The following RABGAP1L variants were observed in gnomAD, a reference collection of about 807,000 sequenced individuals.
The protein encoded by RABGAP1L is rab GTPase-activating protein 1-like.
In RABGAP1L, 63 loss-of-function variants were observed where a neutral mutation model predicts 137.7. That is an observed-to-expected ratio of 0.46 (90% CI 0.37 to 0.56). RABGAP1L has a LOEUF of 0.56. Among genes scored for constraint, RABGAP1L ranks in the 20% least tolerant of loss-of-function variants. The pLI is 0.00. For synonymous variants in RABGAP1L, 431 were observed against 433.7 expected (o/e 0.99, Z 0.08); for missense variants, 1,095 against 1,244.0 (o/e 0.88, Z 1.80).
Position 174,896,922 on chromosome 1 carries a change from A to G in RABGAP1L, c.2341-60535A>G, listed in dbSNP as rs1180773172. 5 of 152,282 alleles carry G rather than the reference A, an allele frequency of 3.3e-5. No homozygotes were observed. In the South Asian group the frequency reaches 1.0e-3, roughly 32 times the overall value. 9.4% of individuals were successfully genotyped at this position (152,282 alleles called of 1,614,324 possible). A position where few individuals can be genotyped will look rare whatever the true frequency, so the allele number is the denominator to read the frequency against. ...GGCTTAGGATTGACTTGGCGATGCA[A>G]GCTCTTTTTTGGTTCTGTATGAACT... On this transcript the variant is annotated intron_variant, in intron 19 of 25. Transcript: ENST00000681986.
At chr1:174,784,734 G>C (rs923958455) in intron 18 of RABGAP1L, among the ~76,000 whole-genome samples, 3 of 152,210 alleles carry the variant, frequency 2.0e-5, no homozygotes, top group African/African-American at 7.2e-5. Context: ...AGGCAGCCTA[G>C]AAATGGGGGT....
At chr1:174,699,246 G>A (rs745678281) in intron 15 of RABGAP1L, among the ~76,000 whole-genome samples, 41 of 152,112 alleles carry the variant, frequency 2.7e-4, no homozygotes, top group Admixed American at 2.0e-4. Flanking sequence ...GGCTGCCTTG[G>A]CCTCCCAAAG....
At chr1:174,558,800 A>G (rs1271559654) in intron 13 of RABGAP1L, among the ~76,000 whole-genome samples, 1 of 152,204 alleles carries the variant, frequency 6.6e-6, no homozygotes, top group Non-Finnish European at 1.5e-5. Flanking sequence ...CAAAGACATG[A>G]CAAATCTATA....
At chr1:174,176,741 A>AAAAAAATAAAATAAAATAAAAT (rs755688394) in intron 1 of RABGAP1L, among the ~76,000 whole-genome samples, 15 of 111,808 alleles carry the variant, frequency 1.3e-4, no homozygotes, top group African/African-American at 2.9e-4. Flanking sequence ...AAAAAAAAAA[A>AAAAAAATAAAATAAAATAAAAT]AAAAAGGTCA....
intron 11 of RABGAP1L, among the ~76,000 whole-genome samples, chr1:174,338,072 G>T (rs1571284978): frequency 6.6e-6 from 1 of 152,070 alleles, no homozygotes; most frequent in African/African-American, 2.4e-5. Context: ...TTGGGCTCTT[G>T]ACCTTTTTCT....
intron 19 of RABGAP1L, among the ~76,000 whole-genome samples, chr1:174,902,611 A>G (rs1186837688): frequency 6.6e-6 from 1 of 152,258 alleles, no homozygotes; most frequent in East Asian, 1.9e-4. Context: ...TATCAGACCC[A>G]AGGCCCTGTT....
chr1:174,266,624 A>G (rs1046601576), intron 7 of RABGAP1L, among the ~76,000 whole-genome samples: 1 of 152,218 alleles, frequency 6.6e-6, no homozygotes, highest in Non-Finnish European at 1.5e-5. Context: ...CACTATATAC[A>G]TACATGATTA....
intron 19 of RABGAP1L, among the ~76,000 whole-genome samples, chr1:174,953,190 A>G (rs1335467763): frequency 1.3e-5 from 2 of 152,218 alleles, no homozygotes; most frequent in African/African-American, 4.8e-5. Flanking sequence ...TCCGATAATT[A>G]TTGTTATACA....
intron 19 of RABGAP1L, among the ~76,000 whole-genome samples, chr1:174,925,867 TTTGTTTTTGTTTTTTTTTTG>T (rs1351430023): frequency 6.9e-6 from 1 of 144,694 alleles, no homozygotes; most frequent in Non-Finnish European, 1.5e-5. Flanking sequence ...TGGTTTTTTT[TTTGTTTTTGTTTTTTTTTTG>T]TGTTTTTTTT....
intron 1 of RABGAP1L, among the ~76,000 whole-genome samples, chr1:174,195,705 C>CT (rs1558021580): frequency 1.0e-5 from 1 of 98,078 alleles, no homozygotes; most frequent in Admixed American, 1.0e-4. Context: ...TCCTTCTTTC[C>CT]TTCTTTCTTT....
At chr1:174,642,666 C>T (rs544634243) in intron 14 of RABGAP1L, among the ~76,000 whole-genome samples, 3 of 148,940 alleles carry the variant, frequency 2.0e-5, no homozygotes, top group Non-Finnish European at 4.5e-5. Context: ...CACCCTCTCC[C>T]CTCCTCTCCT....
intron 4 of RABGAP1L, among the ~76,000 whole-genome samples, chr1:174,240,204 C>G (rs1414941460): frequency 1.4e-5 from 2 of 138,948 alleles, no homozygotes; most frequent in African/African-American, 5.3e-5. Flanking sequence ...GTAGATCAGT[C>G]CAGGACTTAG....
chr1:174,272,286 GAAA>G (rs889509555), intron 7 of RABGAP1L, 125 bp from the exon 8 acceptor site: 17 of 892,296 alleles, frequency 1.9e-5, no homozygotes, highest in Non-Finnish European at 2.7e-5. Flanking sequence ...GGTGTTTTTA[GAAA>G]AAAAACTAAA....
At chr1:174,774,461 G>A (rs1233393831) in intron 18 of RABGAP1L, among the ~76,000 whole-genome samples, 1 of 151,982 alleles carries the variant, frequency 6.6e-6, no homozygotes. Context: ...GCAAGGCATA[G>A]TGGCCTGGCA....
rs544227911 is a variant in RABGAP1L, at chr1:174,982,920, C to T, written c.2805+15C>T. On this transcript the variant is annotated intron_variant, in intron 24 of 25. Transcript: ENST00000681986. ...AAGTGGTAAAGGTAAGGAGTGAAAT[C>T]GTGCTGTGATAAAATTTATTTCAAA... 9.3e-5 allele frequency: 144 copies of T among 1,549,790 alleles called. No individual in the cohort carries two copies. In the African/African-American group the frequency reaches 1.6e-3, roughly 17 times the overall value.
At chr1:174,716,297 T>C (rs1681000739) in intron 17 of RABGAP1L, among the ~76,000 whole-genome samples, 2 of 152,176 alleles carry the variant, frequency 1.3e-5, no homozygotes, top group East Asian at 1.9e-4. Flanking sequence ...CAGGGTCTTG[T>C]TGTGTTGCCG....
intron 14 of RABGAP1L, among the ~76,000 whole-genome samples, chr1:174,642,906 T>C (rs1674659528): frequency 6.6e-6 from 1 of 151,882 alleles, no homozygotes; most frequent in African/African-American, 2.4e-5. Context: ...CACCTCACCC[T>C]TCCAAGTAGC....
intron 13 of RABGAP1L, among the ~76,000 whole-genome samples, chr1:174,403,247 GTA>G (rs144746133): frequency 0.13 from 16,368 of 129,118 alleles, 1,399 homozygotes; most frequent in African/African-American, 0.26. Context: ...GTGTGTGTGT[GTA>G]TATATATGTG....
chr1:174,610,032 GT>G (rs141094186), intron 13 of RABGAP1L, among the ~76,000 whole-genome samples: 25,001 of 142,716 alleles, frequency 0.18, 2,758 homozygotes, highest in East Asian at 0.54. Context: ...TTTGGTATGC[GT>G]TTTTTTTTTC....
Sources: allele counts gnomAD v4.1 joint callset (sites outside exome capture counted in the v4.1 genomes callset), GRCh38; gene constraint gnomAD v4.1.1; transcripts MANE v1.5; gene names NCBI Gene and HGNC (gene_info 2026-07-23, HGNC 2026-07-21).